NUMB: variants seen among roughly 807,000 people sequenced by gnomAD.
NUMB encodes NUMB endocytic adaptor protein.
NUMB carries 29 observed loss-of-function variants against 59.7 expected under a neutral mutation model. The ratio of observed to expected loss-of-function variants is 0.49; its 90% CI spans 0.36 to 0.66. The LOEUF is 0.66. NUMB is among the 30% of genes least tolerant of loss of function. The pLI is 0.00. For missense variants in NUMB, 723 were observed against 822.0 expected (o/e 0.88, Z 1.47); for synonymous variants, 288 against 288.2 (o/e 1.00, Z 0.01).
At chr14:73,304,796 G>A (rs906303033) in intron 6 of NUMB, among the ~76,000 whole-genome samples, 3 of 152,108 alleles carry the variant, frequency 2.0e-5, no homozygotes, top group African/African-American at 7.2e-5. Flanking sequence ...GTCTTGCTCT[G>A]TCGCCCATGC....
At chr14:73,425,810 T>A (rs944765911) in intron 1 of NUMB, among the ~76,000 whole-genome samples, 26 of 79,794 alleles carry the variant, frequency 3.3e-4, no homozygotes, top group African/African-American at 1.2e-3. Context: ...TTTTATTTAA[T>A]TTTTTTTTTT....
chr14:73,304,891 G>A (rs1890340753), intron 6 of NUMB, among the ~76,000 whole-genome samples: 1 of 152,000 alleles, frequency 6.6e-6, no homozygotes, highest in Non-Finnish European at 1.5e-5. Context: ...CTCTCAAATG[G>A]CTGGGATTAC....
chr14:73,332,088 TTC>T (rs1178546589), intron 4 of NUMB, among the ~76,000 whole-genome samples: 1 of 152,092 alleles, frequency 6.6e-6, no homozygotes, highest in African/African-American at 2.4e-5. Flanking sequence ...CCAGGCAAGC[TTC>T]TCTTTCTGCT....
chr14:73,289,876 G>T lies in NUMB; in HGVS notation c.451-2562C>A, dbSNP rs1416239271. The stretch of plus-strand genomic sequence containing the variant: ...ACAGAGCTACAGGTCAAGGAAGCTT[G>T]CTTATTCTTTCTCCTAGGCCTAGGG... On this transcript the variant is annotated intron_variant, in intron 8 of 12. Transcript: ENST00000555238. 2.6e-5 allele frequency among the ~76,000 whole-genome samples: 4 copies of T among 152,198 alleles called. No individual in the cohort carries two copies. The South Asian group carries it at 6.2e-4, about 24-fold the overall frequency.
intron 4 of NUMB, among the ~76,000 whole-genome samples, chr14:73,347,134 T>A (rs892211320): frequency 6.6e-6 from 1 of 152,102 alleles, no homozygotes; most frequent in South Asian, 2.1e-4. Context: ...CTGAGACTTA[T>A]TCACTTTAAA....
chr14:73,380,085 G>A (rs1169388025), intron 2 of NUMB, among the ~76,000 whole-genome samples: 1 of 152,166 alleles, frequency 6.6e-6, no homozygotes, highest in Non-Finnish European at 1.5e-5. Context: ...GGTATGTCAG[G>A]GAGATGGTCC....
Position 73,433,862 on chromosome 14 carries a change from G to A in NUMB, c.-232-23794C>T, listed in dbSNP as rs539850346. Among the ~76,000 whole-genome samples, 1,047 of 152,310 alleles carry A rather than the reference G, an allele frequency of 6.9e-3. 11 individuals are homozygous for A. The highest frequency in any genetic ancestry group is 0.024 in the African/African-American group (983 of 41,566). On this transcript the variant is annotated intron_variant, in intron 1 of 12. Coordinates refer to ENST00000555238, the MANE Select transcript of NUMB (RefSeq NM_001005743.2). ...CCCAGCACTTTGGGAGGCCGAGGCC[G>A]ATGGATCACCTGAGGTCAGAAGTTT...
chr14:73,434,821 A>C (rs1285151680), intron 1 of NUMB, among the ~76,000 whole-genome samples: 1 of 152,262 alleles, frequency 6.6e-6, no homozygotes, highest in Admixed American at 6.5e-5. Flanking sequence ...ATTAACCAAT[A>C]GCAAATATTT....
At chr14:73,418,699 A>G (rs970924738) in intron 1 of NUMB, among the ~76,000 whole-genome samples, 1 of 152,004 alleles carries the variant, frequency 6.6e-6, no homozygotes, top group African/African-American at 2.4e-5. Context: ...TGAACCCGGG[A>G]GGCGGAGGTT....
rs542445369 is a variant in NUMB, at chr14:73,453,338, G to C, written c.-233+5155C>G. On this transcript the variant is annotated intron_variant, in intron 1 of 12. Transcript: ENST00000555238. The stretch of plus-strand genomic sequence containing the variant: ...GTAGAGACGGGATTTCTCCATGTTG[G>C]TCAGGCTGGTCTCAAACTCCTGACC... Among the ~76,000 whole-genome samples the C allele has an allele frequency of 2.0e-5, 3 of 151,882 alleles. 1 individual carries two copies. In the South Asian group the frequency reaches 6.2e-4, roughly 32 times the overall value.
chr14:73,287,599 A>AAC, intron 8 of NUMB, among the ~76,000 whole-genome samples: 1 of 152,210 alleles, frequency 6.6e-6, no homozygotes, highest in Middle Eastern at 3.4e-3. Flanking sequence ...GCTGGTCTCC[A>AAC]ACTCCTGGCC....
chr14:73,391,568 A>C (rs1012923090), intron 2 of NUMB, among the ~76,000 whole-genome samples: 1 of 152,140 alleles, frequency 6.6e-6, no homozygotes, highest in South Asian at 2.1e-4. Context: ...CATCCATGAT[A>C]AAGGTCAGTG....
At chr14:73,438,555 C>T (rs928638885) in intron 1 of NUMB, among the ~76,000 whole-genome samples, 6 of 147,066 alleles carry the variant, frequency 4.1e-5, no homozygotes, top group South Asian at 2.1e-4. Context: ...CGCTTGACCC[C>T]GGGAGGCAGA....
rs149035382 is a variant in NUMB at position 73,279,346 on chromosome 14, C to T, written c.1175G>A (p.Arg392His). The change falls in exon 12 of 13, where the codon CGT (arginine) becomes CAT (histidine). Residue 392 changes from arginine (R) to histidine (H), a missense_variant. Arg to His is a conservative substitution (Grantham distance 29). This residue lies in a region of NUMB where 406 missense variants were observed against 385.4 expected (regional missense o/e 1.05). Transcript: ENST00000555238. ...GGCATGGGCCCAAGGGTTGGTTTCA[C>T]GCACAGGCATTGCTACGGGTGCTAG... The part of the protein sequence containing the change: ...TALAPVAMPV[R>H]ETNPWAHAPD... The T allele has an allele frequency of 3.2e-5, 52 of 1,613,388 alleles. No homozygotes were observed. The highest frequency in any genetic ancestry group is 2.0e-4 in the African/African-American group (15 of 74,916).
intron 4 of NUMB, among the ~76,000 whole-genome samples, chr14:73,352,753 A>G (rs1377323675): frequency 2.1e-5 from 3 of 146,126 alleles, no homozygotes; most frequent in African/African-American, 5.0e-5. Flanking sequence ...CGTGTTAGCC[A>G]GGATGGTCTC....
At chr14:73,401,553 G>GT (rs1896415616) in intron 2 of NUMB, among the ~76,000 whole-genome samples, 1 of 149,180 alleles carries the variant, frequency 6.7e-6, no homozygotes, top group East Asian at 2.0e-4. Context: ...AACAAAATAT[G>GT]TAAGACTAAA....
At chr14:73,446,807 G>A (rs1242830734) in intron 1 of NUMB, among the ~76,000 whole-genome samples, 1 of 152,032 alleles carries the variant, frequency 6.6e-6, no homozygotes, top group East Asian at 1.9e-4. Flanking sequence ...GGGAGGCTGA[G>A]GCAGAAGGAT....
chr14:73,390,689 G>A lies in NUMB; in HGVS notation c.-101+19248C>T, dbSNP rs60897845. ...TTTTTTGAGACAGTCTTGCTCTGTC[G>A]CCCAGGCTGGAGTGCAGTGGCGTGA... On this transcript the variant is annotated intron_variant, in intron 2 of 12. Transcript: ENST00000555238. 3.9e-3 allele frequency among the ~76,000 whole-genome samples: 418 copies of A among 108,442 alleles called. 2 individuals are homozygous for A. Among genetic ancestry groups the A allele is most frequent in the African/African-American group, 0.011 (312 of 28,752 alleles). 71.1% of individuals were successfully genotyped at this position (108,442 alleles called of 152,430 possible). A position where few individuals can be genotyped will look rare whatever the true frequency, so the allele number is the denominator to read the frequency against.
At chr14:73,338,013 A>T (rs1892435733) in intron 4 of NUMB, among the ~76,000 whole-genome samples, 1 of 152,062 alleles carries the variant, frequency 6.6e-6, no homozygotes, top group African/African-American at 2.4e-5. Context: ...GTTCAGGTGC[A>T]GTGGCTCACA....
Sources: gnomAD v4.1 joint callset for allele counts (sites outside exome capture counted in the v4.1 genomes callset) on GRCh38, gnomAD v4.1.1 for gene constraint, gnomAD v4.1.1 regional missense constraint, MANE v1.5 for transcripts, NCBI Gene and HGNC (gene_info 2026-07-23, HGNC 2026-07-21) for gene names.